SLU7: variants seen among roughly 807,000 people sequenced by gnomAD.
SLU7 encodes pre-mRNA-splicing factor SLU7.
Under a neutral mutation model 87.0 loss-of-function variants are expected in SLU7, and 60 were observed. The ratio of observed to expected loss-of-function variants is 0.69; its 90% CI spans 0.56 to 0.86. The LOEUF is 0.86. Ranked by LOEUF, SLU7 falls within the 40% of genes least tolerant of loss-of-function variation. The pLI is 0.00. For synonymous variants in SLU7, 197 were observed against 222.0 expected, an observed-to-expected ratio of 0.89 and a Z score of 1.00; for missense variants, 507 against 686.6, an observed-to-expected ratio of 0.74 and a Z score of 2.92.
At chr5:160,415,035 G>C (rs1030382096) in intron 2 of SLU7, 90 bp downstream of exon 2, 1 of 1,103,018 alleles carries the variant, frequency 9.1e-7, no homozygotes, top group African/African-American at 1.6e-5. Flanking sequence ...ATGAAGAGAG[G>C]TTCCTCTCAA....
At chr5:160,408,521 T>A in intron 7 of SLU7, 61 bp from the exon 8 acceptor site, 1 of 1,536,528 alleles carries the variant, frequency 6.5e-7, no homozygotes, top group Non-Finnish European at 8.8e-7. Context: ...GTTCTTTTTT[T>A]TCCCCTTTCC....
intron 7 of SLU7, 89 bp from the exon 8 acceptor site, chr5:160,408,549 TTTAC>T (rs1765101183): frequency 4.8e-6 from 7 of 1,450,246 alleles, no homozygotes; most frequent in Admixed American, 2.0e-5. Context: ...CAAACCCTTA[TTTAC>T]TTGTGTTCTT....
At chr5:160,416,017 C>T (rs2910193) in intron 1 of SLU7, among the ~76,000 whole-genome samples, 51,156 of 151,906 alleles carry the variant, frequency 0.34, 8,925 homozygotes, top group South Asian at 0.4. Context: ...CTCAGTCTCC[C>T]GAGTAGCTCG....
chr5:160,415,444 T>C, intron 1 of SLU7, 134 bp from the exon 2 acceptor site: 1 of 555,714 alleles, frequency 1.8e-6, no homozygotes, highest in Non-Finnish European at 2.9e-6. Context: ...AGGAAGGGTC[T>C]CTTCCCCCTC....
At chr5:160,408,629 G>C (rs775826253) in intron 7 of SLU7, 21 bp downstream of exon 7, 1 of 1,498,406 alleles carries the variant, frequency 6.7e-7, no homozygotes. Context: ...CATATACTCA[G>C]AGACAGCAAA....
Position 160,416,404 on chromosome 5 carries a change from C to T in SLU7, c.-16-1094G>A, listed in dbSNP as rs73316314. 2.9e-3 allele frequency among the ~76,000 whole-genome samples: 449 copies of T among 152,264 alleles called. 5 individuals carry two copies. The highest frequency in any genetic ancestry group is 0.01 in the African/African-American group (430 of 41,536). On this transcript the variant is annotated intron_variant, in intron 1 of 15. Coordinates refer to ENST00000297151, the MANE Select transcript of SLU7 (RefSeq NM_006425.5). ...AAAATAAAAAATAATAAAGGAACAA[C>T]GTATTTTTCTATTCAAGACTTTTTA...
intron 4 of SLU7, 49 bp from the exon 5 acceptor site, chr5:160,413,669 A>G: frequency 6.5e-7 from 1 of 1,533,660 alleles, no homozygotes; most frequent in Middle Eastern, 1.7e-4. Flanking sequence ...TATGGCCCAA[A>G]GGAAAACTTC....
Position 160,411,219 on chromosome 5 carries a change from T to C in SLU7, c.639+1232A>G, listed in dbSNP as rs1453677916. 2.6e-5 allele frequency among the ~76,000 whole-genome samples: 4 copies of C among 152,102 alleles called. No homozygotes were observed. In the East Asian group the frequency reaches 5.8e-4, roughly 22 times the overall value. Reference sequence around the variant, plus strand: ...TGTCTCATGGAGCAGAGATGGATTTTGTTATTGATTGACTGATTGACTGAT... The same window carrying C: ...TGTCTCATGGAGCAGAGATGGATTTCGTTATTGATTGACTGATTGACTGAT... On this transcript the variant is annotated intron_variant, in intron 6 of 15. Coordinates refer to ENST00000297151, the MANE Select transcript of SLU7 (RefSeq NM_006425.5).
At chr5:160,415,414 T>C (rs562593906) in intron 1 of SLU7, 104 bp from the exon 2 acceptor site, 2 of 841,286 alleles carry the variant, frequency 2.4e-6, no homozygotes, top group South Asian at 5.6e-5. Flanking sequence ...TATGTTTTTT[T>C]TTCTCCTATA....
In SLU7 at chr5:160,413,779, A is replaced by G. The variant is rs1234657602; in HGVS notation, c.405+120T>C. 6 of 949,206 alleles carry G rather than the reference A, an allele frequency of 6.3e-6. No individual in the cohort carries two copies. In the African/African-American group the frequency reaches 8.4e-5, roughly 13 times the overall value. The allele number at this position is 949,206 out of a possible 1,614,324, so 58.8% of individuals were successfully genotyped here. Reference sequence around the variant, plus strand: ...GTGTTGAACCAATTCCACTGAAACTAATTTTTATTTAACTTGTACCTAAAT... The same window carrying G: ...GTGTTGAACCAATTCCACTGAAACTGATTTTTATTTAACTTGTACCTAAAT... On this transcript the variant is annotated intron_variant, in intron 4 of 15. Coordinates refer to ENST00000297151, the MANE Select transcript of SLU7 (RefSeq NM_006425.5).
chr5:160,404,918 G>T, intron 13 of SLU7, 38 bp from the exon 14 acceptor site: 1 of 1,521,998 alleles, frequency 6.6e-7, no homozygotes, highest in Non-Finnish European at 9.1e-7. Flanking sequence ...GAGTGTCATA[G>T]TTACTAATCA....
chr5:160,404,708 G>A (rs1331583569), intron 14 of SLU7, 101 bp downstream of exon 14: 1 of 940,282 alleles, frequency 1.1e-6, no homozygotes, highest in Admixed American at 2.3e-5. Context: ...CTGGGCGACA[G>A]AATGAGATTC....
rs1765076306 is a variant in SLU7 at position 160,407,968 on chromosome 5, T to C, written c.917+3A>G. On this transcript the variant is annotated splice_donor_region_variant and intron_variant, in intron 9 of 15. Coordinates refer to ENST00000297151, the MANE Select transcript of SLU7 (RefSeq NM_006425.5). This position sits in a 1 kb window ranked among gnomAD's most constrained non-coding sequence, Gnocchi z 4.2. ...AAATCTGTACATTTAACTTGATACT[T>C]ACTCATCTGGATTCTTTCCTGCATT... 1 of 1,598,896 alleles carries C rather than the reference T, an allele frequency of 6.3e-7. No homozygotes were observed. Among genetic ancestry groups the C allele is most frequent in the Non-Finnish European group, 8.6e-7 (1 of 1,166,430 alleles).
intron 11 of SLU7, 90 bp from the exon 12 acceptor site, chr5:160,406,719 A>T: frequency 1.8e-6 from 2 of 1,083,984 alleles, no homozygotes; most frequent in Non-Finnish European, 2.6e-6. Flanking sequence ...TCAGAAAGAA[A>T]GGGAACATTC....
At chr5:160,410,672 C>T (rs575650985) in intron 6 of SLU7, among the ~76,000 whole-genome samples, 2 of 152,204 alleles carry the variant, frequency 1.3e-5, no homozygotes, top group South Asian at 4.1e-4. Flanking sequence ...TTACAACAAA[C>T]AACAGAGAAT....
At chr5:160,404,317 G>A (rs1395455205) in intron 15 of SLU7, 123 bp downstream of exon 15, 5 of 637,748 alleles carry the variant, frequency 7.8e-6, no homozygotes, top group Non-Finnish European at 1.4e-5. Context: ...GTGAGCTGCG[G>A]TCGTGCCACT....
intron 5 of SLU7, 77 bp downstream of exon 5, chr5:160,413,379 T>G: frequency 7.5e-7 from 1 of 1,341,416 alleles, no homozygotes; most frequent in South Asian, 1.3e-5. Context: ...CTTCAAGATT[T>G]GAAAAGTAGA....
chr5:160,416,006 C>A (rs1311503657), intron 1 of SLU7, among the ~76,000 whole-genome samples: 1 of 152,138 alleles, frequency 6.6e-6, no homozygotes, highest in Non-Finnish European at 1.5e-5. Context: ...GATTCTCCTG[C>A]CTCAGTCTCC....
chr5:160,402,143 T>C lies in SLU7; in HGVS notation c.*1142A>G, dbSNP rs1470386800. The C allele has an allele frequency of 1.3e-5, 2 of 152,248 alleles. No individual in the cohort carries two copies. The highest frequency in any genetic ancestry group is 4.8e-5 in the African/African-American group (2 of 41,458). The allele number at this position is 152,248 out of a possible 1,614,324, so 9.4% of individuals were successfully genotyped here. The stretch of plus-strand genomic sequence containing the variant: ...TCAGGTTTTGTTTTTTTGCAAATTT[T>C]ACAAACAAAGTAACAGCTGCTGGCT... On this transcript the variant is annotated 3_prime_UTR_variant, in exon 16 of 16. Transcript: ENST00000297151.
Sources: allele counts gnomAD v4.1 joint callset (sites outside exome capture counted in the v4.1 genomes callset), GRCh38; gene constraint gnomAD v4.1.1; non-coding constraint Gnocchi (gnomAD v3.1); transcripts MANE v1.5; gene names NCBI Gene and HGNC (gene_info 2026-07-23, HGNC 2026-07-21).